TRDN: variants seen among roughly 807,000 people sequenced by gnomAD.
TRDN encodes the protein triadin.
In TRDN, 161 loss-of-function variants were observed where a neutral mutation model predicts 149.7. The observed-to-expected ratio is 1.08, with a 90% confidence interval of 0.95 to 1.23. TRDN has a LOEUF of 1.23. TRDN is among the 50% of genes most tolerant of loss of function. The pLI is 0.00. For missense variants in TRDN, 896 were observed against 823.5 expected (o/e 1.09, Z -1.08); for synonymous variants, 294 against 250.5 (o/e 1.17, Z -1.64).
At chr6:123,249,136 A>G (rs1230178126) in intron 38 of TRDN, among the ~76,000 whole-genome samples, 1 of 152,166 alleles carries the variant, frequency 6.6e-6, no homozygotes, top group Non-Finnish European at 1.5e-5. Flanking sequence ...TGGGCAAATG[A>G]ACAGACATCT....
At chr6:123,285,698 A>ATT (rs1777779858) in intron 24 of TRDN, among the ~76,000 whole-genome samples, 1 of 152,150 alleles carries the variant, frequency 6.6e-6, no homozygotes, top group Non-Finnish European at 1.5e-5. Flanking sequence ...GGACTTAATT[A>ATT]AACTAAAGAA....
At chr6:123,331,548 T>G (rs897227944) in intron 23 of TRDN, among the ~76,000 whole-genome samples, 2 of 152,052 alleles carry the variant, frequency 1.3e-5, no homozygotes, top group African/African-American at 4.8e-5. Context: ...ATCTTAAATC[T>G]TTGGTTTCCA....
At chr6:123,594,813 C>T (rs531252412) in intron 1 of TRDN, among the ~76,000 whole-genome samples, 3 of 151,794 alleles carry the variant, frequency 2.0e-5, no homozygotes, top group African/African-American at 2.4e-5. Flanking sequence ...AGTTTTAAAA[C>T]ATCAAGCTTA....
At chr6:123,427,459 T>A (rs932602276) in intron 12 of TRDN, among the ~76,000 whole-genome samples, 2 of 152,114 alleles carry the variant, frequency 1.3e-5, no homozygotes, top group Non-Finnish European at 2.9e-5. Context: ...TTAAATGTAA[T>A]GTAATCCTTC....
intron 24 of TRDN, among the ~76,000 whole-genome samples, chr6:123,292,211 T>G (rs1835636): frequency 0.063 from 9,573 of 152,236 alleles, 1,008 homozygotes; most frequent in African/African-American, 0.22. Context: ...CAAGGTCATG[T>G]GCTGCCTGCC....
At chr6:123,265,230 C>T in intron 33 of TRDN, 88 bp downstream of exon 33, 1 of 1,004,984 alleles carries the variant, frequency 1.0e-6, no homozygotes, top group East Asian at 3.0e-5. Context: ...ACAGACCATA[C>T]TATTTAACTT....
At chr6:123,357,439 T>C (rs922949420) in intron 20 of TRDN, among the ~76,000 whole-genome samples, 11 of 152,054 alleles carry the variant, frequency 7.2e-5, no homozygotes, top group African/African-American at 2.4e-4. Flanking sequence ...AAGTGTAGTT[T>C]GAGCAGAGGA....
intron 38 of TRDN, among the ~76,000 whole-genome samples, chr6:123,246,937 G>T (rs577844103): frequency 3.5e-4 from 53 of 152,272 alleles, no homozygotes; most frequent in African/African-American, 1.1e-3. Context: ...GGGATGCAAG[G>T]TTGGTTCAAC....
At chr6:123,513,827 A>C (rs1262080742) in intron 6 of TRDN, among the ~76,000 whole-genome samples, 2 of 152,046 alleles carry the variant, frequency 1.3e-5, no homozygotes, top group Non-Finnish European at 2.9e-5. Context: ...AAAATATTGA[A>C]GCATATTTCA....
At chr6:123,481,669 G>C (rs183891557) in intron 9 of TRDN, among the ~76,000 whole-genome samples, 1 of 152,042 alleles carries the variant, frequency 6.6e-6, no homozygotes, top group African/African-American at 2.4e-5. Flanking sequence ...AGTACCACAC[G>C]TGTTACATCT....
At position 123,584,631 on chromosome 6, in the gene TRDN, C is replaced by T. The variant is rs762220351; in HGVS notation, c.23-13499G>A. ...AGATGAGGATGAAATTTGGGCTTGA[C>T]TGAAGTAATGGGGGCTGTCTGTGAA... On this transcript the variant is annotated intron_variant, in intron 1 of 40. Coordinates refer to ENST00000334268, the MANE Select transcript of TRDN (RefSeq NM_006073.4). Among the ~76,000 whole-genome samples the T allele has an allele frequency of 1.7e-3, 255 of 152,094 alleles. 1 individual carries two copies. Among genetic ancestry groups the T allele is most frequent in the South Asian group, 6.0e-3 (29 of 4,822 alleles).
At chr6:123,369,775 AC>A (rs1381007576) in intron 19 of TRDN, among the ~76,000 whole-genome samples, 2 of 152,000 alleles carry the variant, frequency 1.3e-5, no homozygotes, top group Non-Finnish European at 2.9e-5. Flanking sequence ...CCTTTTTAGT[AC>A]CAATCCTTCC....
chr6:123,339,597 A>T (rs996844967), intron 21 of TRDN, among the ~76,000 whole-genome samples: 1 of 152,226 alleles, frequency 6.6e-6, no homozygotes, highest in Non-Finnish European at 1.5e-5. Flanking sequence ...AAAACTATCA[A>T]TATAACTAGT....
intron 12 of TRDN, among the ~76,000 whole-genome samples, chr6:123,414,056 C>T (rs544900507): frequency 1.1e-4 from 17 of 152,232 alleles, no homozygotes; most frequent in Non-Finnish European, 2.2e-4. Flanking sequence ...CTTTGCTACA[C>T]ATGCATCAAG....
intron 9 of TRDN, among the ~76,000 whole-genome samples, chr6:123,483,678 AC>A (rs1777863409): frequency 6.6e-6 from 1 of 152,140 alleles, no homozygotes; most frequent in African/African-American, 2.4e-5. Context: ...TTTTTCTCCC[AC>A]AGCTGCCTTA....
At chr6:123,437,959 G>C (rs1311935618) in intron 12 of TRDN, 104 bp downstream of exon 12, 14 of 993,916 alleles carry the variant, frequency 1.4e-5, no homozygotes, top group Non-Finnish European at 2.1e-5. Context: ...GTCTTGGGTA[G>C]ATATAAGTAA....
intron 12 of TRDN, among the ~76,000 whole-genome samples, chr6:123,415,283 C>T (rs532248197): frequency 1.1e-4 from 16 of 152,236 alleles, no homozygotes; most frequent in Non-Finnish European, 2.2e-4. Flanking sequence ...TGCTACATAC[C>T]AAACACATAC....
At chr6:123,418,863 G>A (rs1773774522) in intron 12 of TRDN, among the ~76,000 whole-genome samples, 1 of 152,002 alleles carries the variant, frequency 6.6e-6, no homozygotes, top group Non-Finnish European at 1.5e-5. Context: ...GAGCCTTGAT[G>A]AGTGTTTTGC....
chr6:123,409,523 A>G (rs1238285151), intron 12 of TRDN, among the ~76,000 whole-genome samples: 1 of 152,238 alleles, frequency 6.6e-6, no homozygotes, highest in Non-Finnish European at 1.5e-5. Context: ...TGAACATAAT[A>G]GCCACTTGCA....
Sources: gnomAD v4.1 joint callset for allele counts (sites outside exome capture counted in the v4.1 genomes callset) on GRCh38, gnomAD v4.1.1 for gene constraint, MANE v1.5 for transcripts, NCBI Gene and HGNC (gene_info 2026-07-23, HGNC 2026-07-21) for gene names.